SOX30: variants seen among roughly 807,000 people sequenced by gnomAD.
SOX30 encodes the protein SRY-box transcription factor 30.
Under a neutral mutation model 58.6 loss-of-function variants are expected in SOX30, and 17 were observed. That is an observed-to-expected ratio of 0.29 (90% confidence interval 0.20 to 0.44). SOX30 has a LOEUF of 0.44. SOX30 is among the 20% of genes least tolerant of loss of function. The probability of loss-of-function intolerance (pLI) is 1.00; values close to 1 mark genes in which losing one functional copy is unlikely to be tolerated. For synonymous variants in SOX30, 421 were observed against 400.2 expected, an observed-to-expected ratio of 1.05 and a Z score of -0.62; for missense variants, 951 against 965.8, an observed-to-expected ratio of 0.98 and a Z score of 0.20.
chr5:157,627,887 A>G (rs969513745), intron 4 of SOX30, among the ~76,000 whole-genome samples: 33 of 152,010 alleles, frequency 2.2e-4, no homozygotes, highest in African/African-American at 6.5e-4. Flanking sequence ...CCAGCTACTC[A>G]GGAGGCTGAG....
rs574922765 is a variant in SOX30 at position 157,664,223 on chromosome 5, A to G, written c.52+3575T>C. ...ACAAGGCTACAGTAACCAAAACAGC[A>G]TGATACTGGTACCAAACCAGAGATA... On this transcript the variant is annotated intron_variant, in intron 2 of 5. Coordinates refer to the SOX30 transcript ENST00000519442. 3.3e-4 allele frequency among the ~76,000 whole-genome samples: 50 copies of G among 152,344 alleles called. 1 individual carries two copies. The highest frequency in any genetic ancestry group is 1.2e-3 in the African/African-American group (49 of 41,570).
chr5:157,649,340 C>G (rs1261386978), intron 1 of SOX30, among the ~76,000 whole-genome samples: 7 of 152,178 alleles, frequency 4.6e-5, no homozygotes, highest in Non-Finnish European at 1.0e-4. Context: ...CACAGGAACT[C>G]ATCTACATGC....
At chr5:157,637,780 G>A (rs751337060) in intron 4 of SOX30, among the ~76,000 whole-genome samples, 1 of 151,556 alleles carries the variant, frequency 6.6e-6, no homozygotes, top group Non-Finnish European at 1.5e-5. Context: ...TGCAACCTCC[G>A]CCTCCCAGGT....
chr5:157,649,492 T>C (rs1759274960), intron 1 of SOX30, among the ~76,000 whole-genome samples: 1 of 152,160 alleles, frequency 6.6e-6, no homozygotes, highest in South Asian at 2.1e-4. Context: ...AAGAAAACAA[T>C]AAAAATAATT....
chr5:157,628,339 CAAGTT>C (rs1758709835), intron 4 of SOX30, among the ~76,000 whole-genome samples: 1 of 149,070 alleles, frequency 6.7e-6, no homozygotes, highest in South Asian at 2.1e-4. Flanking sequence ...AAACCCATGG[CAAGTT>C]AAGTGTTTCA....
At chr5:157,637,559 A>G (rs1758959928) in intron 4 of SOX30, among the ~76,000 whole-genome samples, 1 of 152,170 alleles carries the variant, frequency 6.6e-6, no homozygotes, top group Non-Finnish European at 1.5e-5. Flanking sequence ...ATTTTTAACA[A>G]AATACCACGA....
At chr5:157,630,955 TA>T (rs1758779749) in intron 4 of SOX30, among the ~76,000 whole-genome samples, 1 of 136,230 alleles carries the variant, frequency 7.3e-6, no homozygotes, top group African/African-American at 2.7e-5. Context: ...ATATATATTG[TA>T]TATATATACA....
rs1351877821 is a variant in SOX30, at chr5:157,638,635, G to A, written c.1475C>T (p.Ala492Val). The A allele has an allele frequency of 6.2e-7, 1 of 1,614,186 alleles. No homozygotes were observed. Among genetic ancestry groups the A allele is most frequent in the Non-Finnish European group, 8.5e-7 (1 of 1,180,038 alleles). Residue 492 changes from alanine to valine, a missense_variant, in exon 4 of 5, where the codon GCT becomes GTT. Around this residue, in one of 7 missense-constraint regions of SOX30, gnomAD observed 381 missense variants for 390.0 expected, o/e 0.98. Transcript: ENST00000265007. ...VTLFQPSVSS[A>V]AQVAVQDPSL... ...TGGATCCTGGACAGCCACCTGAGCA[G>A]CACTGGAGACGCTGGGCTGGAAAAG...
intron 2 of SOX30, among the ~76,000 whole-genome samples, chr5:157,665,660 A>C (rs1300746059): frequency 1.4e-5 from 2 of 147,742 alleles, no homozygotes; most frequent in African/African-American, 4.9e-5. Flanking sequence ...TAAATATATA[A>C]ATATTTAAAT....
At position 157,651,344 on chromosome 5, in the gene SOX30, G is replaced by A. The variant is rs1759329942; in HGVS notation, c.735C>T (p.Ala245=). 6.2e-7 allele frequency: 1 copy of A among 1,613,930 alleles called. No homozygotes were observed. The change falls in exon 1 of 5, where the codon GCC becomes GCT. Residue 245 remains alanine, a synonymous_variant. Coordinates refer to ENST00000265007, the MANE Select transcript of SOX30 (RefSeq NM_178424.2). ...GCGGCCCAAAGGCACCGGACGTTGG[G>A]GCCAAGATGACCTCCGCGCTGCCAT... ...LVHGSAEVIL[A]PTSGAFGPHQ...
rs931928717 is a variant in SOX30 at position 157,663,825 on chromosome 5, A to C, written c.52+3973T>G. Among the ~76,000 whole-genome samples the C allele has an allele frequency of 1.8e-4, 28 of 152,240 alleles. No homozygotes were observed. In the East Asian group the frequency reaches 2.5e-3, roughly 14 times the overall value. ...ACACCAATAACAGACAAACAGCCAA[A>C]TCATGAGTGAACTCCCATTCACAAT... On this transcript the variant is annotated intron_variant, in intron 2 of 5. Coordinates refer to the SOX30 transcript ENST00000519442.
intron 2 of SOX30, among the ~76,000 whole-genome samples, chr5:157,663,404 C>G (rs1009274263): frequency 6.6e-6 from 1 of 152,102 alleles, no homozygotes; most frequent in African/African-American, 2.4e-5. Flanking sequence ...ATTCAACAGC[C>G]CTTCATGCTA....
intron 3 of SOX30, among the ~76,000 whole-genome samples, chr5:157,641,618 A>G (rs1759064183): frequency 1.3e-5 from 2 of 152,216 alleles, no homozygotes; most frequent in African/African-American, 4.8e-5. Flanking sequence ...ATCTCAAAAA[A>G]TAATAATAAT....
At chr5:157,646,600 A>G (rs1001883472) in intron 3 of SOX30, 37 bp downstream of exon 3, 3 of 1,484,338 alleles carry the variant, frequency 2.0e-6, no homozygotes, top group Non-Finnish European at 1.8e-6. Context: ...TCTTGCAGCT[A>G]TTTAAAAAAT....
In SOX30 at chr5:157,638,457, A is replaced by T; in HGVS notation, c.1653T>A (p.Ser551Arg). 6.2e-7 allele frequency: 1 copy of T among 1,614,212 alleles called. No individual in the cohort carries two copies. The highest frequency in any genetic ancestry group is 2.2e-5 in the East Asian group (1 of 44,878). Residue 551 changes from serine (S) to arginine (R), a missense_variant, in exon 4 of 5, where the codon AGT becomes AGA. This residue lies in a region of SOX30 where 381 missense variants were observed against 390.0 expected (regional missense o/e 0.98). Transcript: ENST00000265007. ...ESANRISSSA[S>R]TAHARFATST... ...AAGTTGCAAATCTGGCATGGGCAGT[A>T]CTTGCACTACTTGAAATCCTGTTGG...
At chr5:157,643,342 C>G (rs1262089669) in intron 3 of SOX30, among the ~76,000 whole-genome samples, 1 of 152,166 alleles carries the variant, frequency 6.6e-6, no homozygotes, top group African/African-American at 2.4e-5. Flanking sequence ...ATCACTTGAA[C>G]CCCGGAGGTG....
At chr5:157,642,056 C>CT (rs1414026365) in intron 3 of SOX30, among the ~76,000 whole-genome samples, 2 of 152,176 alleles carry the variant, frequency 1.3e-5, no homozygotes, top group Admixed American at 1.3e-4. Context: ...TGGCTCATGC[C>CT]TGTAATCCCT....
chr5:157,638,694 G>A lies in SOX30; in HGVS notation c.1416C>T (p.Pro472=). The change falls in exon 4 of 5, where the codon CCC becomes CCT. Residue 472 remains proline (P), a synonymous_variant. Transcript: ENST00000265007. ...GGCTTGGGCTCTGGACTGCAGGTGT[G>A]GGCAGCTGGATAGCAGGTGAGGTTT... ...VGETSPAIQL[P]TPAVQSPSPV... The A allele has an allele frequency of 1.9e-6, 3 of 1,612,404 alleles. No homozygotes were observed. The highest frequency in any genetic ancestry group is 2.5e-6 in the Non-Finnish European group (3 of 1,178,930).
chr5:157,659,388 C>T (rs1759536808), intron 2 of SOX30, among the ~76,000 whole-genome samples: 1 of 152,188 alleles, frequency 6.6e-6, no homozygotes, highest in Non-Finnish European at 1.5e-5. Context: ...TCCCACTATA[C>T]TGTGGAAACC....
Sources: gnomAD v4.1 joint callset for allele counts (sites outside exome capture counted in the v4.1 genomes callset) on GRCh38, gnomAD v4.1.1 for gene constraint, gnomAD v4.1.1 regional missense constraint, MANE v1.5 for transcripts, NCBI Gene and HGNC (gene_info 2026-07-23, HGNC 2026-07-21) for gene names.